Variants in LDLRAD4 observed in about 807,000 individuals in gnomAD.
LDLRAD4 encodes the protein low-density lipoprotein receptor class A domain-containing protein 4.
LDLRAD4 carries 5 observed loss-of-function variants against 17.0 expected under a neutral mutation model. The observed-to-expected ratio is 0.29, with a 90% CI of 0.15 to 0.62. The LOEUF (loss-of-function observed/expected upper bound fraction) is 0.62, where lower values mean the gene tolerates loss of function less well. Among genes scored for constraint, LDLRAD4 ranks in the 20% least tolerant of loss-of-function variants. The pLI is 0.84. For missense variants in LDLRAD4, 340 were observed against 424.7 expected (o/e 0.80, Z 1.75); for synonymous variants, 168 against 171.8 (o/e 0.98, Z 0.17).
In LDLRAD4 at chr18:13,395,543, TGTG is replaced by T. The variant is rs371099379; in HGVS notation, c.40+7783_40+7785del. Among the ~76,000 whole-genome samples the T allele has an allele frequency of 4.5e-3, 113 of 25,186 alleles. 4 individuals carry two copies. The highest frequency in any genetic ancestry group is 0.025 in the East Asian group (15 of 590). 16.5% of individuals were successfully genotyped at this position (25,186 alleles called of 152,430 possible). A position where few individuals can be genotyped will look rare whatever the true frequency, so the allele number is the denominator to read the frequency against. On this transcript the variant is annotated intron_variant, in intron 2 of 5. Coordinates refer to ENST00000359446, the Ensembl canonical transcript of LDLRAD4. ...GGAGCTGTTGGGGGGCGGGAGTTGTTGTGGGGGCAGGAGCTGGCGTGGGAGCGG... is the reference window on the plus strand; with the variant it reads ...GGAGCTGTTGGGGGGCGGGAGTTGTTGGGGCAGGAGCTGGCGTGGGAGCGG...
intron 3 of LDLRAD4, among the ~76,000 whole-genome samples, chr18:13,546,412 A>G (rs1238865370): frequency 8.3e-6 from 1 of 120,914 alleles, no homozygotes; most frequent in Non-Finnish European, 1.6e-5. Context: ...CCTGTTGCCC[A>G]GGCTGGAGTG....
chr18:13,318,534 T>A (rs982351226), intron 1 of LDLRAD4, among the ~76,000 whole-genome samples: 1 of 152,218 alleles, frequency 6.6e-6, no homozygotes, highest in African/African-American at 2.4e-5. Flanking sequence ...AATGCTGGGA[T>A]TCATAGTGAA....
chr18:13,447,136 CT>C (rs532203136), intron 3 of LDLRAD4, among the ~76,000 whole-genome samples: 247 of 145,592 alleles, frequency 1.7e-3, no homozygotes, highest in African/African-American at 5.4e-3. Context: ...CCCGCCCCCC[CT>C]TTTTTTTGAC....
chr18:13,469,722 A>C (rs1223977870), intron 3 of LDLRAD4, among the ~76,000 whole-genome samples: 2 of 151,978 alleles, frequency 1.3e-5, no homozygotes, highest in African/African-American at 4.8e-5. Context: ...AGCTTGGAGG[A>C]GGGAAGAATT....
rs555010566 is a variant in LDLRAD4 at position 13,288,346 on chromosome 18, A to C, written c.-383+10158A>C. Among the ~76,000 whole-genome samples, 3 of 152,354 alleles carry C rather than the reference A, an allele frequency of 2.0e-5. No individual in the cohort carries two copies. The South Asian group carries it at 6.2e-4, about 32-fold the overall frequency. Reference sequence around the variant, plus strand: ...AAAGGTCTCTTCCCTATCTGTTTAAAGGACACGTGTATTGAAACTGAAAGA... The same window carrying C: ...AAAGGTCTCTTCCCTATCTGTTTAACGGACACGTGTATTGAAACTGAAAGA... On this transcript the variant is annotated intron_variant, in intron 1 of 5. Coordinates refer to ENST00000359446, the Ensembl canonical transcript of LDLRAD4.
intron 1 of LDLRAD4, among the ~76,000 whole-genome samples, chr18:13,233,010 C>G (rs894162285): frequency 6.6e-6 from 1 of 152,184 alleles, no homozygotes; most frequent in African/African-American, 2.4e-5. Flanking sequence ...GCAGGTGAGG[C>G]GCTTTCTGAT....
At chr18:13,643,568 C>T (rs1221826179) in intron 5 of LDLRAD4, among the ~76,000 whole-genome samples, 156 bp downstream of exon 6, 2 of 152,200 alleles carry the variant, frequency 1.3e-5, no homozygotes, top group African/African-American at 4.8e-5. Flanking sequence ...TGGTCAAAAG[C>T]GGGAGGGGAC....
intron 3 of LDLRAD4, among the ~76,000 whole-genome samples, chr18:13,569,431 A>G (rs921676322): frequency 5.9e-5 from 9 of 152,240 alleles, no homozygotes; most frequent in African/African-American, 1.9e-4. Flanking sequence ...CTGATTCATA[A>G]GTCGGATGTT....
At chr18:13,348,176 CT>C (rs1295823737) in intron 1 of LDLRAD4, among the ~76,000 whole-genome samples, 3 of 152,152 alleles carry the variant, frequency 2.0e-5, no homozygotes, top group Non-Finnish European at 2.9e-5. Flanking sequence ...AGTTTTTCTG[CT>C]CTGTTTTTTC....
chr18:13,325,941 G>GT (rs1233548945), intron 1 of LDLRAD4, among the ~76,000 whole-genome samples: 4 of 151,120 alleles, frequency 2.6e-5, no homozygotes, highest in East Asian at 1.9e-4. Flanking sequence ...ATTTTTTTTT[G>GT]TTTTTTTAGT....
chr18:13,318,624 T>G (rs558540041), intron 1 of LDLRAD4, among the ~76,000 whole-genome samples: 1 of 152,340 alleles, frequency 6.6e-6, no homozygotes, highest in South Asian at 2.1e-4. Flanking sequence ...CTTCTGAGTT[T>G]AAAATGGCAC....
chr18:13,266,871 T>G (rs1469336360), intron 1 of LDLRAD4, among the ~76,000 whole-genome samples: 1 of 152,252 alleles, frequency 6.6e-6, no homozygotes, highest in Non-Finnish European at 1.5e-5. Context: ...AACAGAATTC[T>G]GAGTAAGAGT....
rs955935247 is a variant in LDLRAD4 at position 13,512,340 on chromosome 18, GCCT to G, written c.181+73960_181+73962del. Among the ~76,000 whole-genome samples, 7 of 152,296 alleles carry G rather than the reference GCCT, an allele frequency of 4.6e-5. No individual in the cohort carries two copies. In the East Asian group the frequency reaches 1.4e-3, roughly 29 times the overall value. ...AACTATAGCCACTCAGTCATCTGTGGCCTCCTTTCCTTTGGGGACAACTTTGTA... is the reference window on the plus strand; with the variant it reads ...AACTATAGCCACTCAGTCATCTGTGGCCTTTCCTTTGGGGACAACTTTGTA... On this transcript the variant is annotated intron_variant, in intron 3 of 5. Transcript: ENST00000359446.
At chr18:13,573,486 C>T (rs1035732835) in intron 3 of LDLRAD4, among the ~76,000 whole-genome samples, 5 of 152,188 alleles carry the variant, frequency 3.3e-5, no homozygotes, top group African/African-American at 1.2e-4. Context: ...GTGATCTGCC[C>T]ACCTCGGCCT....
chr18:13,528,506 T>A (rs1166983433), intron 3 of LDLRAD4, among the ~76,000 whole-genome samples: 1 of 151,850 alleles, frequency 6.6e-6, no homozygotes, highest in African/African-American at 2.4e-5. Context: ...AGAGATGGGG[T>A]TTTGCCATGT....
At chr18:13,441,877 G>GTTTGGT (rs1354120229) in intron 3 of LDLRAD4, among the ~76,000 whole-genome samples, 5 of 152,186 alleles carry the variant, frequency 3.3e-5, no homozygotes, top group Non-Finnish European at 7.3e-5. Context: ...TTGGACCGAG[G>GTTTGGT]CTGCTTTATT....
intron 2 of LDLRAD4, among the ~76,000 whole-genome samples, chr18:13,393,665 C>T (rs990805445): frequency 2.0e-5 from 3 of 152,128 alleles, no homozygotes; most frequent in Non-Finnish European, 4.4e-5. Flanking sequence ...CTAGTTCTGC[C>T]GATGCTCTTT....
intron 1 of LDLRAD4, among the ~76,000 whole-genome samples, chr18:13,317,428 T>C (rs1045646277): frequency 4.6e-5 from 7 of 152,342 alleles, no homozygotes; most frequent in South Asian, 2.1e-4. Context: ...CATTTTTGTC[T>C]CAATTCATTT....
intron 1 of LDLRAD4, among the ~76,000 whole-genome samples, chr18:13,226,180 CTTTTTTT>C (rs71174166): frequency 1.1e-4 from 6 of 52,188 alleles, no homozygotes; most frequent in Admixed American, 3.6e-4. Context: ...CCATGCCTTG[CTTTTTTT>C]TTTTTTTTTT....
Sources: gnomAD v4.1 joint callset for allele counts (sites outside exome capture counted in the v4.1 genomes callset) on GRCh38, gnomAD v4.1.1 for gene constraint, MANE v1.5 for transcripts, NCBI Gene and HGNC (gene_info 2026-07-23, HGNC 2026-07-21) for gene names.